Variants in THRB observed in about 807,000 individuals in gnomAD.
THRB encodes thyroid hormone receptor beta, also known as nuclear receptor subfamily 1 group A member 2.
In THRB, 12 loss-of-function variants were observed where a neutral mutation model predicts 47.8. The ratio of observed to expected loss-of-function variants is 0.25; its 90% CI spans 0.16 to 0.41. The LOEUF is 0.41. THRB is among the 10% of genes least tolerant of loss of function. The pLI, the probability that THRB is intolerant of heterozygous loss-of-function variation, is 1.00. For synonymous variants in THRB, 218 were observed against 212.2 expected, an observed-to-expected ratio of 1.03 and a Z score of -0.24; for missense variants, 348 against 589.2, an observed-to-expected ratio of 0.59 and a Z score of 4.24.
intron 1 of THRB, among the ~76,000 whole-genome samples, chr3:24,449,627 T>C (rs995641249): frequency 2.0e-5 from 3 of 152,186 alleles, no homozygotes; most frequent in African/African-American, 7.2e-5. Flanking sequence ...ATAATGCTTG[T>C]CTGTATGGTT....
chr3:24,212,108 A>G (rs144581089), intron 4 of THRB, among the ~76,000 whole-genome samples: 2,122 of 152,190 alleles, frequency 0.014, 45 homozygotes, highest in African/African-American at 0.048. Context: ...TACTGAAAAT[A>G]CAAAAATTGG....
chr3:24,478,843 A>G (rs1279149876), intron 1 of THRB, among the ~76,000 whole-genome samples: 1 of 152,228 alleles, frequency 6.6e-6, no homozygotes, highest in African/African-American at 2.4e-5. Context: ...ATTAAGAGGT[A>G]GAACTAAAGT....
chr3:24,472,009 C>A (rs1403737715), intron 1 of THRB, among the ~76,000 whole-genome samples: 1 of 152,182 alleles, frequency 6.6e-6, no homozygotes, highest in Non-Finnish European at 1.5e-5. Context: ...CATACCTCTG[C>A]TAAGAAGAGT....
intron 3 of THRB, among the ~76,000 whole-genome samples, chr3:24,245,521 C>G (rs1279924621): frequency 6.6e-6 from 1 of 152,022 alleles, no homozygotes; most frequent in Admixed American, 6.6e-5. Context: ...GAAAGAATAA[C>G]AAAAAAACCC....
chr3:24,320,442 G>C (rs1012519195), intron 2 of THRB, among the ~76,000 whole-genome samples: 3 of 152,174 alleles, frequency 2.0e-5, no homozygotes, highest in East Asian at 3.9e-4. Flanking sequence ...ATGTTTGGGT[G>C]CAGGACTGTC....
At chr3:24,216,393 C>G (rs777720764) in intron 4 of THRB, among the ~76,000 whole-genome samples, 14 of 152,242 alleles carry the variant, frequency 9.2e-5, no homozygotes, top group Non-Finnish European at 1.9e-4. Context: ...ATCACGAGGT[C>G]AGGAGATCGA....
intron 2 of THRB, among the ~76,000 whole-genome samples, chr3:24,319,153 G>C (rs1487054018): frequency 1.3e-5 from 2 of 152,100 alleles, no homozygotes; most frequent in Non-Finnish European, 2.9e-5. Flanking sequence ...TTACACTGTT[G>C]GGGGCACTGT....
Position 24,289,155 on chromosome 3 carries a change from G to A in THRB, c.-43+8071C>T, listed in dbSNP as rs2055657689. ...AAGGCTGGCAAGTGGACAGACGAGG[G>A]CTTCATTACTGCTGCCTATTAGCTG... On this transcript the variant is annotated intron_variant, in intron 3 of 10. Transcript: ENST00000646209. Among the ~76,000 whole-genome samples the A allele has an allele frequency of 3.3e-5, 5 of 152,126 alleles. No homozygotes were observed. In the South Asian group the frequency reaches 1.0e-3, roughly 32 times the overall value.
At chr3:24,425,699 T>C (rs1380545199) in intron 1 of THRB, among the ~76,000 whole-genome samples, 1 of 151,904 alleles carries the variant, frequency 6.6e-6, no homozygotes, top group East Asian at 1.9e-4. Flanking sequence ...ATTAGAGATC[T>C]TGTGGTGCCT....
intron 3 of THRB, among the ~76,000 whole-genome samples, chr3:24,270,824 T>C (rs1261179716): frequency 1.3e-5 from 2 of 152,172 alleles, no homozygotes; most frequent in Non-Finnish European, 2.9e-5. Context: ...TCTGAAGCTC[T>C]TACCTTCTGT....
chr3:24,374,540 G>A (rs975578790), intron 1 of THRB, among the ~76,000 whole-genome samples: 3 of 151,996 alleles, frequency 2.0e-5, no homozygotes, highest in African/African-American at 7.2e-5. Flanking sequence ...CTTCAGGGCT[G>A]ATACTATTAT....
intron 1 of THRB, among the ~76,000 whole-genome samples, chr3:24,380,988 A>C (rs1374209465): frequency 6.6e-6 from 1 of 151,792 alleles, no homozygotes; most frequent in Non-Finnish European, 1.5e-5. Context: ...GGTGGTATGC[A>C]CCTGTAGTCC....
At chr3:24,489,594 G>C (rs972998680) in intron 1 of THRB, among the ~76,000 whole-genome samples, 1 of 152,152 alleles carries the variant, frequency 6.6e-6, no homozygotes, top group Non-Finnish European at 1.5e-5. Flanking sequence ...TTTGCTATTT[G>C]GAAAAGATCC....
intron 8 of THRB, among the ~76,000 whole-genome samples, chr3:24,133,942 AC>A (rs948287058): frequency 1.3e-5 from 2 of 152,008 alleles, no homozygotes; most frequent in African/African-American, 4.8e-5. Flanking sequence ...CTTGCTTCTG[AC>A]CCAGCTGGGG....
intron 1 of THRB, among the ~76,000 whole-genome samples, chr3:24,421,038 A>G (rs1281821098): frequency 6.6e-6 from 1 of 151,948 alleles, no homozygotes; most frequent in African/African-American, 2.4e-5. Flanking sequence ...ATGAGGTCAT[A>G]TCTTTTGCAG....
intron 3 of THRB, among the ~76,000 whole-genome samples, chr3:24,288,515 T>C (rs184613716): frequency 1.3e-5 from 2 of 152,300 alleles, no homozygotes; most frequent in East Asian, 3.9e-4. Context: ...GCTGAGGCTG[T>C]CCTCCATTAA....
rs567192093 is a variant in THRB, at chr3:24,400,537, A to C, written c.-260-63166T>G. Among the ~76,000 whole-genome samples, 21 of 152,202 alleles carry C rather than the reference A, an allele frequency of 1.4e-4. No individual in the cohort carries two copies. The South Asian group carries it at 3.9e-3, about 29-fold the overall frequency. On this transcript the variant is annotated intron_variant, in intron 1 of 10. Transcript: ENST00000646209. ...TATGAAAAACACTCAAAAAGAGTTC[A>C]AGGTAGACTGGCAATAGCATGATGC...
chr3:24,413,722 C>T (rs529499874), intron 1 of THRB, among the ~76,000 whole-genome samples: 16 of 151,836 alleles, frequency 1.1e-4, no homozygotes, highest in African/African-American at 3.4e-4. Flanking sequence ...CCCCCATCCC[C>T]GACCCCACGA....
intron 1 of THRB, among the ~76,000 whole-genome samples, chr3:24,359,100 CGTCTG>C (rs1221402889): frequency 6.6e-6 from 1 of 152,126 alleles, no homozygotes; most frequent in African/African-American, 2.4e-5. Flanking sequence ...ACTTTTATCA[CGTCTG>C]ATGATTTTGT....
Sources: gnomAD v4.1 joint callset for allele counts (sites outside exome capture counted in the v4.1 genomes callset) on GRCh38, gnomAD v4.1.1 for gene constraint, MANE v1.5 for transcripts, NCBI Gene and HGNC (gene_info 2026-07-23, HGNC 2026-07-21) for gene names.